The following DSE variants were observed in gnomAD, a reference collection of about 807,000 sequenced individuals.
DSE encodes dermatan-sulfate epimerase.
In DSE, 36 loss-of-function variants were observed where a neutral mutation model predicts 84.4. The ratio of observed to expected loss-of-function variants is 0.43; its 90% CI spans 0.33 to 0.56. The LOEUF is 0.56. DSE is among the 20% of genes least tolerant of loss of function. The probability of loss-of-function intolerance (pLI) is 0.06; values close to 1 mark genes in which losing one functional copy is unlikely to be tolerated. For missense variants in DSE, 862 were observed against 1,169.6 expected, an observed-to-expected ratio of 0.74 and a Z score of 3.84; for synonymous variants, 410 against 430.1, an observed-to-expected ratio of 0.95 and a Z score of 0.58.
At chr6:116,384,770 T>C (rs1780470101) in intron 1 of DSE, among the ~76,000 whole-genome samples, 1 of 152,236 alleles carries the variant, frequency 6.6e-6, no homozygotes, top group African/African-American at 2.4e-5. Flanking sequence ...TACTAAGTGC[T>C]AGGTACACTT....
chr6:116,425,823 C>T (rs542115230), intron 2 of DSE, among the ~76,000 whole-genome samples: 23 of 151,966 alleles, frequency 1.5e-4, no homozygotes, highest in African/African-American at 5.1e-4. Context: ...GGGGTTTCAC[C>T]GTGTTAGCCA....
rs773959860 is a variant in DSE at position 116,433,562 on chromosome 6, T to G, written c.1118+12T>G. On this transcript the variant is annotated intron_variant, in intron 5 of 5. Transcript: ENST00000644252. ...ACAGAATTTCTCTGGTATGACACATTGGGCTAGCTTTAAAGAGAAATGGTA... is the reference window on the plus strand; with the variant it reads ...ACAGAATTTCTCTGGTATGACACATGGGGCTAGCTTTAAAGAGAAATGGTA... 17 of 1,586,682 alleles carry G rather than the reference T, an allele frequency of 1.1e-5. No individual in the cohort carries two copies. In the African/African-American group the frequency reaches 2.0e-4, roughly 19 times the overall value.
intron 2 of DSE, among the ~76,000 whole-genome samples, chr6:116,275,616 T>C (rs1417213780): frequency 6.6e-6 from 1 of 152,094 alleles, no homozygotes; most frequent in Non-Finnish European, 1.5e-5. Context: ...CTGGCTAACA[T>C]GGTGAAACCC....
chr6:116,426,020 C>CA (rs1440862689), intron 2 of DSE, among the ~76,000 whole-genome samples: 1 of 152,356 alleles, frequency 6.6e-6, no homozygotes, highest in African/African-American at 2.4e-5. Context: ...AGCTCCCACT[C>CA]ACGTTTGCCA....
chr6:116,288,623 T>C (rs1043643086), intron 2 of DSE: 2 of 152,124 alleles, frequency 1.3e-5, no homozygotes, highest in African/African-American at 4.8e-5. Flanking sequence ...TAGCCATATG[T>C]GTCTATTTTG....
intron 2 of DSE, among the ~76,000 whole-genome samples, chr6:116,331,266 T>C (rs987018500): frequency 3.3e-5 from 5 of 152,148 alleles, no homozygotes; most frequent in Non-Finnish European, 7.3e-5. Context: ...CAAGACTGGG[T>C]AATTTATAAA....
intron 2 of DSE, among the ~76,000 whole-genome samples, chr6:116,349,588 AC>A (rs1778197216): frequency 6.6e-6 from 1 of 152,154 alleles, no homozygotes; most frequent in Non-Finnish European, 1.5e-5. Flanking sequence ...CTGTTTACCC[AC>A]CTCAGAGATC....
At chr6:116,392,093 C>T (rs926569735) in intron 1 of DSE, among the ~76,000 whole-genome samples, 1 of 152,076 alleles carries the variant, frequency 6.6e-6, no homozygotes, top group Non-Finnish European at 1.5e-5. Context: ...AAATATGTAG[C>T]AACAGTGAAA....
chr6:116,434,039 G>A (rs1348830855), intron 5 of DSE, among the ~76,000 whole-genome samples: 5 of 152,128 alleles, frequency 3.3e-5, no homozygotes, highest in Admixed American at 1.3e-4. Context: ...TTTGGTAAAT[G>A]GAGCATTATA....
intron 2 of DSE, among the ~76,000 whole-genome samples, chr6:116,341,809 G>T (rs1777612398): frequency 6.6e-6 from 1 of 152,162 alleles, no homozygotes; most frequent in African/African-American, 2.4e-5. Flanking sequence ...TTGTAGATGT[G>T]TGCTATTATT....
intron 2 of DSE, among the ~76,000 whole-genome samples, chr6:116,407,099 C>G (rs1360730953): frequency 6.6e-6 from 1 of 152,194 alleles, no homozygotes; most frequent in African/African-American, 2.4e-5. Context: ...GTGAGTCTTT[C>G]ACCATATTGG....
intron 1 of DSE, among the ~76,000 whole-genome samples, chr6:116,388,910 A>G (rs1467547414): frequency 6.6e-6 from 1 of 152,244 alleles, no homozygotes; most frequent in East Asian, 1.9e-4. Context: ...TTGAGCAGGA[A>G]GAAGAAGAAA....
chr6:116,411,165 G>A (rs1262308965), intron 2 of DSE, among the ~76,000 whole-genome samples: 1 of 152,092 alleles, frequency 6.6e-6, no homozygotes, highest in Non-Finnish European at 1.5e-5. Context: ...GTGTATGTGT[G>A]TGTGTGTTGT....
At chr6:116,344,026 A>G (rs563884682) in intron 2 of DSE, among the ~76,000 whole-genome samples, 3 of 152,332 alleles carry the variant, frequency 2.0e-5, no homozygotes, top group Admixed American at 2.0e-4. Flanking sequence ...CAAGTGGAAG[A>G]AAGGGTATCA....
chr6:116,342,496 G>A (rs1364471048), intron 2 of DSE, among the ~76,000 whole-genome samples: 2 of 151,824 alleles, frequency 1.3e-5, no homozygotes, highest in Non-Finnish European at 2.9e-5. Context: ...GGCCAGGCTG[G>A]TCTTAAACTC....
chr6:116,307,246 C>T (rs1562218875), intron 2 of DSE, among the ~76,000 whole-genome samples: 1 of 152,176 alleles, frequency 6.6e-6, no homozygotes, highest in Non-Finnish European at 1.5e-5. Flanking sequence ...CTGACCACTC[C>T]AATCATTCAT....
intron 2 of DSE, among the ~76,000 whole-genome samples, chr6:116,416,545 T>G (rs1782724811): frequency 6.6e-6 from 1 of 152,060 alleles, no homozygotes; most frequent in Admixed American, 6.6e-5. Flanking sequence ...ATGGTATATT[T>G]TTGATGTTGT....
Position 116,436,405 on chromosome 6 carries a change from A to G in DSE, c.1937A>G (p.Tyr646Cys). 1 of 1,614,094 alleles carries G rather than the reference A, an allele frequency of 6.2e-7. No homozygotes were observed. Among genetic ancestry groups the G allele is most frequent in the Non-Finnish European group, 8.5e-7 (1 of 1,179,998 alleles). The change falls in exon 6 of 6, where the codon TAT (tyrosine) becomes TGT (cysteine). Residue 646 changes from tyrosine (Y) to cysteine (C), a missense_variant. Physicochemically the swap from Tyr to Cys is radical, Grantham distance 194 (BLOSUM62 -2). Around this residue, in one of 4 missense-constraint regions of DSE, gnomAD observed 186 missense variants for 255.1 expected, o/e 0.73. Coordinates refer to ENST00000644252, the MANE Select transcript of DSE (RefSeq NM_013352.4). Reference protein sequence around the residue: ...PRGYPYNGTNYVNVTMHLRSP... With the variant: ...PRGYPYNGTNCVNVTMHLRSP... ...GGCTATCCCTACAATGGGACAAACT[A>G]TGTGAATGTCACCATGCACCTCCGA...
intron 2 of DSE, among the ~76,000 whole-genome samples, chr6:116,420,381 A>G (rs1368143523): frequency 6.6e-6 from 1 of 152,218 alleles, no homozygotes; most frequent in Non-Finnish European, 1.5e-5. Flanking sequence ...CTCTCATGAT[A>G]GGATAAGTGC....
Sources: gnomAD v4.1 joint callset for allele counts (sites outside exome capture counted in the v4.1 genomes callset) on GRCh38, gnomAD v4.1.1 for gene constraint, gnomAD v4.1.1 regional missense constraint, MANE v1.5 for transcripts, NCBI Gene and HGNC (gene_info 2026-07-23, HGNC 2026-07-21) for gene names.